The following PID1 variants were observed in gnomAD, a reference collection of about 807,000 sequenced individuals.
The protein encoded by PID1 is PTB-containing, cubilin and LRP1-interacting protein.
A neutral mutation model predicts 19.1 loss-of-function variants in PID1; 10 were observed. The ratio of observed to expected loss-of-function variants is 0.52; its 90% CI spans 0.32 to 0.89. PID1 has a LOEUF of 0.89. Ranked by LOEUF, PID1 falls within the 40% of genes least tolerant of loss-of-function variation. PID1 has a pLI of 0.03. For synonymous variants in PID1, 130 were observed against 116.0 expected (o/e 1.12, Z -0.78); for missense variants, 248 against 285.3 (o/e 0.87, Z 0.94).
At chr2:229,077,313 A>T (rs1002144501) in intron 2 of PID1, among the ~76,000 whole-genome samples, 3 of 151,778 alleles carry the variant, frequency 2.0e-5, no homozygotes, top group Non-Finnish European at 1.5e-5. Flanking sequence ...GATTGCAAAA[A>T]TTTTCTCCAA....
chr2:229,245,615 C>T (rs1181681124), intron 1 of PID1, among the ~76,000 whole-genome samples: 1 of 152,102 alleles, frequency 6.6e-6, no homozygotes, highest in Non-Finnish European at 1.5e-5. Context: ...GCAGCTATGC[C>T]ACACCTTTTA....
At chr2:229,028,378 A>G (rs182212039) in intron 2 of PID1, among the ~76,000 whole-genome samples, 1 of 152,236 alleles carries the variant, frequency 6.6e-6, no homozygotes, top group African/African-American at 2.4e-5. Context: ...ACGTGTCACT[A>G]TCTCAGCCAC....
At chr2:229,218,600 C>T (rs897647346) in intron 1 of PID1, among the ~76,000 whole-genome samples, 1 of 152,102 alleles carries the variant, frequency 6.6e-6, no homozygotes, top group African/African-American at 2.4e-5. Flanking sequence ...TCTCAGAGGA[C>T]AGGTAAGCAA....
chr2:229,115,380 C>A (rs1452055209), intron 2 of PID1, among the ~76,000 whole-genome samples: 1 of 121,780 alleles, frequency 8.2e-6, no homozygotes. Context: ...TGGCATGCAC[C>A]TATAGTCCCA....
rs1350788338 is a variant in PID1 at position 229,184,402 on chromosome 2, G to A, written c.31-28438C>T. On this transcript the variant is annotated intron_variant, in intron 1 of 2. Coordinates refer to ENST00000392055, the MANE Select transcript of PID1 (RefSeq NM_001100818.2). ...TATCTATCCCGTATATATCTATCCCGTATATATCTATCCCGTATATATATA... is the reference window on the plus strand; with the variant it reads ...TATCTATCCCGTATATATCTATCCCATATATATCTATCCCGTATATATATA... 1.9e-3 allele frequency among the ~76,000 whole-genome samples: 11 copies of A among 5,814 alleles called. 5 individuals carry two copies. The highest frequency in any genetic ancestry group is 0.014 in the Admixed American group (4 of 280). The allele number at this position is 5,814 out of a possible 152,430, so 3.8% of individuals were successfully genotyped here.
chr2:229,206,458 G>A (rs566579023), intron 1 of PID1, among the ~76,000 whole-genome samples: 1 of 152,058 alleles, frequency 6.6e-6, no homozygotes, highest in Non-Finnish European at 1.5e-5. Flanking sequence ...GGCCTGACAA[G>A]ACCCTTAAAT....
At chr2:229,122,981 T>A (rs1469567271) in intron 2 of PID1, among the ~76,000 whole-genome samples, 6 of 152,182 alleles carry the variant, frequency 3.9e-5, no homozygotes, top group Non-Finnish European at 8.8e-5. Flanking sequence ...AAATCTACCT[T>A]ACTGTTTTTT....
chr2:229,081,790 G>T (rs923912187), intron 2 of PID1, among the ~76,000 whole-genome samples: 1 of 152,202 alleles, frequency 6.6e-6, no homozygotes, highest in Non-Finnish European at 1.5e-5. Flanking sequence ...AATAGTGTTT[G>T]CAGAATATGA....
chr2:229,131,159 T>C (rs1689731403), intron 2 of PID1, among the ~76,000 whole-genome samples: 1 of 152,160 alleles, frequency 6.6e-6, no homozygotes, highest in Non-Finnish European at 1.5e-5. Context: ...ATACAGCCTA[T>C]AACATCGGAG....
At chr2:229,239,517 T>A (rs899027859) in intron 1 of PID1, among the ~76,000 whole-genome samples, 2 of 151,976 alleles carry the variant, frequency 1.3e-5, no homozygotes, top group Non-Finnish European at 2.9e-5. Flanking sequence ...TATGTAGAGA[T>A]TTCAAACTCT....
chr2:229,054,722 G>A (rs866406468), intron 2 of PID1, among the ~76,000 whole-genome samples: 2 of 57,220 alleles, frequency 3.5e-5, no homozygotes, highest in Non-Finnish European at 4.0e-5. Context: ...GTGTGTGTGG[G>A]GGGGGGGGGG....
intron 2 of PID1, among the ~76,000 whole-genome samples, chr2:229,086,829 A>G (rs1233106069): frequency 6.6e-6 from 1 of 151,958 alleles, no homozygotes; most frequent in Non-Finnish European, 1.5e-5. Flanking sequence ...TCAGTATAGC[A>G]TGCTTCATAT....
At chr2:229,037,904 C>T (rs1693696032) in intron 2 of PID1, among the ~76,000 whole-genome samples, 1 of 152,178 alleles carries the variant, frequency 6.6e-6, no homozygotes, top group Non-Finnish European at 1.5e-5. Context: ...CTTGAGTCAT[C>T]CTGACAAATG....
chr2:229,123,853 A>G (rs1695571947), intron 2 of PID1, among the ~76,000 whole-genome samples: 1 of 152,134 alleles, frequency 6.6e-6, no homozygotes, highest in Admixed American at 6.5e-5. Flanking sequence ...CACATTTATT[A>G]GTTGGTTCTT....
At chr2:229,236,155 G>T (rs1445532725) in intron 1 of PID1, among the ~76,000 whole-genome samples, 1 of 7,848 alleles carries the variant, frequency 1.3e-4, no homozygotes, top group Non-Finnish European at 1.5e-3. Flanking sequence ...ATGGTTTTTG[G>T]CTTTTGAAAA....
rs556850751 is a variant in PID1, at chr2:229,175,163, GT to G, written c.31-19200del. On this transcript the variant is annotated intron_variant, in intron 1 of 2. Transcript: ENST00000392055. ...ATTTACAAACAGAAAAAAAGTTCTT[GT>G]TTTTTTGAGCAACTAATTCTGGGAG... Among the ~76,000 whole-genome samples the G allele has an allele frequency of 8.7e-4, 132 of 152,232 alleles. 1 individual carries two copies. The highest frequency in any genetic ancestry group is 3.0e-3 in the African/African-American group (125 of 41,530).
At position 229,094,263 on chromosome 2, in the gene PID1, C is replaced by A. The variant is rs115812669; in HGVS notation, c.177+61555G>T. Among the ~76,000 whole-genome samples the A allele has an allele frequency of 9.8e-3, 1,491 of 152,090 alleles. 9 individuals carry two copies. The highest frequency in any genetic ancestry group is 0.014 in the Non-Finnish European group (929 of 67,980). On this transcript the variant is annotated intron_variant, in intron 2 of 2. Coordinates refer to ENST00000392055, the MANE Select transcript of PID1 (RefSeq NM_001100818.2). ...AGATAAGAGATCTCTAAGAGAATTACAAAACACTATTGAAAGAAATCAGAG... is the reference window on the plus strand; with the variant it reads ...AGATAAGAGATCTCTAAGAGAATTAAAAAACACTATTGAAAGAAATCAGAG...
At position 229,076,092 on chromosome 2, in the gene PID1, C is replaced by T. The variant is rs115451711; in HGVS notation, c.178-49984G>A. 5.4e-3 allele frequency among the ~76,000 whole-genome samples: 818 copies of T among 152,282 alleles called. 3 individuals carry two copies. The highest frequency in any genetic ancestry group is 7.6e-3 in the Admixed American group (117 of 15,298). ...ATCAGAAGGAATACTTAGTTAAAAGCGTTAATTCATTAGTCCATACCAGAC... is the reference window on the plus strand; with the variant it reads ...ATCAGAAGGAATACTTAGTTAAAAGTGTTAATTCATTAGTCCATACCAGAC... On this transcript the variant is annotated intron_variant, in intron 2 of 2. Transcript: ENST00000392055.
intron 1 of PID1, among the ~76,000 whole-genome samples, chr2:229,252,716 T>C (rs986850419): frequency 2.6e-5 from 4 of 152,344 alleles, no homozygotes; most frequent in South Asian, 2.1e-4. Flanking sequence ...CTAAAACAGA[T>C]ATTGGCTGTA....
Sources: gnomAD v4.1 joint callset for allele counts (sites outside exome capture counted in the v4.1 genomes callset) on GRCh38, gnomAD v4.1.1 for gene constraint, MANE v1.5 for transcripts, NCBI Gene and HGNC (gene_info 2026-07-23, HGNC 2026-07-21) for gene names.